The following KCNIP1 variants were observed in gnomAD, a reference collection of about 807,000 sequenced individuals.
The protein encoded by KCNIP1 is A-type potassium channel modulatory protein KCNIP1.
Under a neutral mutation model 33.0 loss-of-function variants are expected in KCNIP1, and 18 were observed. The ratio of observed to expected loss-of-function variants is 0.55; its 90% CI spans 0.38 to 0.81. The LOEUF is 0.81. Ranked by LOEUF, KCNIP1 falls within the 30% of genes least tolerant of loss-of-function variation. The pLI is 0.00. For synonymous variants in KCNIP1, 93 were observed against 98.3 expected (o/e 0.95, Z 0.32); for missense variants, 238 against 271.6 (o/e 0.88, Z 0.87).
At chr5:170,573,176 C>A (rs1375408135) in intron 1 of KCNIP1, among the ~76,000 whole-genome samples, 1 of 152,200 alleles carries the variant, frequency 6.6e-6, no homozygotes, top group Non-Finnish European at 1.5e-5. Context: ...TTTGCAGAAA[C>A]TCGAGTTACT....
chr5:170,443,606 CTTG>C (rs1581197812), intron 1 of KCNIP1, among the ~76,000 whole-genome samples: 1 of 152,326 alleles, frequency 6.6e-6, no homozygotes, highest in South Asian at 2.1e-4. Flanking sequence ...CATCAGAAAA[CTTG>C]TTGTAATAGA....
At chr5:170,532,326 T>C (rs115061015) in intron 1 of KCNIP1, among the ~76,000 whole-genome samples, 3,372 of 152,306 alleles carry the variant, frequency 0.022, 130 homozygotes, top group African/African-American at 0.077. Flanking sequence ...CTCCCTACTC[T>C]CTGGGGTTGC....
At chr5:170,564,894 T>C (rs962928742) in intron 1 of KCNIP1, among the ~76,000 whole-genome samples, 5 of 152,144 alleles carry the variant, frequency 3.3e-5, no homozygotes, top group African/African-American at 1.2e-4. Flanking sequence ...ATTTGCCATA[T>C]ACAGAAACTG....
intron 1 of KCNIP1, among the ~76,000 whole-genome samples, chr5:170,675,078 A>C (rs1762078485): frequency 6.6e-6 from 1 of 151,712 alleles, no homozygotes; most frequent in Non-Finnish European, 1.5e-5. Context: ...AGGCAGGAGG[A>C]TCGCTTGAGC....
chr5:170,579,295 A>G (rs1757708541), intron 1 of KCNIP1, among the ~76,000 whole-genome samples: 1 of 152,324 alleles, frequency 6.6e-6, no homozygotes, highest in South Asian at 2.1e-4. Flanking sequence ...GGTTTAGAAT[A>G]TAGCATTTAG....
intron 1 of KCNIP1, among the ~76,000 whole-genome samples, chr5:170,473,276 G>A (rs552332587): frequency 9.2e-4 from 140 of 152,256 alleles, no homozygotes; most frequent in African/African-American, 3.1e-3. Flanking sequence ...CTTTGCAGAC[G>A]CTGTGCCAAG....
intron 1 of KCNIP1, among the ~76,000 whole-genome samples, chr5:170,677,055 T>C (rs1413132765): frequency 6.6e-6 from 1 of 152,198 alleles, no homozygotes; most frequent in Non-Finnish European, 1.5e-5. Flanking sequence ...ACGTACTCAA[T>C]ATATGACTTG....
At chr5:170,699,421 C>T (rs994346412) in intron 1 of KCNIP1, among the ~76,000 whole-genome samples, 1 of 152,064 alleles carries the variant, frequency 6.6e-6, no homozygotes, top group African/African-American at 2.4e-5. Context: ...TGCCTCCCAC[C>T]TTCTTGAACT....
At chr5:170,466,749 T>C (rs1756617051) in intron 1 of KCNIP1, among the ~76,000 whole-genome samples, 2 of 152,126 alleles carry the variant, frequency 1.3e-5, no homozygotes, top group South Asian at 4.1e-4. Context: ...TGCGACTTCA[T>C]TTATGAGGAC....
At chr5:170,411,772 A>T (rs1055141681) in intron 1 of KCNIP1, among the ~76,000 whole-genome samples, 1 of 152,196 alleles carries the variant, frequency 6.6e-6, no homozygotes, top group African/African-American at 2.4e-5. Context: ...AGCTGGAGAG[A>T]TGAAACACAG....
intron 1 of KCNIP1, among the ~76,000 whole-genome samples, chr5:170,525,740 G>A (rs140399270): frequency 6.6e-6 from 1 of 152,350 alleles, no homozygotes; most frequent in African/African-American, 2.4e-5. Context: ...TGGAGTGGGA[G>A]TAAGGGTGGG....
intron 1 of KCNIP1, among the ~76,000 whole-genome samples, chr5:170,621,874 A>G (rs1439881585): frequency 6.6e-6 from 1 of 152,142 alleles, no homozygotes; most frequent in Admixed American, 6.5e-5. Context: ...CAGAAATGAG[A>G]GGAGAAGAGA....
chr5:170,657,438 C>T (rs948332225), intron 1 of KCNIP1, among the ~76,000 whole-genome samples: 1 of 152,184 alleles, frequency 6.6e-6, no homozygotes, highest in Non-Finnish European at 1.5e-5. Context: ...CACCCACCAC[C>T]GCCTTGGCTC....
At chr5:170,729,947 A>G (rs1764138751) in intron 5 of KCNIP1, among the ~76,000 whole-genome samples, 1 of 152,122 alleles carries the variant, frequency 6.6e-6, no homozygotes, top group African/African-American at 2.4e-5. Context: ...GTGCCCCAGA[A>G]TGTGATAGCC....
intron 1 of KCNIP1, among the ~76,000 whole-genome samples, chr5:170,698,408 T>A (rs183405731): frequency 1.3e-5 from 2 of 152,318 alleles, no homozygotes; most frequent in Admixed American, 1.3e-4. Context: ...AGACCTGTAT[T>A]TGAGCCCCAC....
chr5:170,468,030 T>C (rs1033366329), intron 1 of KCNIP1, among the ~76,000 whole-genome samples: 1 of 151,998 alleles, frequency 6.6e-6, no homozygotes, highest in Non-Finnish European at 1.5e-5. Context: ...ACACTTGTAA[T>C]GTTTAAGAAT....
intron 1 of KCNIP1, among the ~76,000 whole-genome samples, chr5:170,506,870 C>T (rs376658657): frequency 4.6e-5 from 7 of 152,286 alleles, no homozygotes; most frequent in Admixed American, 2.0e-4. Context: ...TATTTGCCCC[C>T]GAAGCACAGT....
intron 1 of KCNIP1, among the ~76,000 whole-genome samples, chr5:170,402,971 A>G (rs1055048277): frequency 6.6e-6 from 1 of 152,220 alleles, no homozygotes; most frequent in Non-Finnish European, 1.5e-5. Flanking sequence ...AGGGGTGCTG[A>G]ATTAGGTGCC....
At chr5:170,499,029 G>A (rs1380414173), upstream of KCNIP1, among the ~76,000 whole-genome samples, 1 of 152,086 alleles carries the variant, frequency 6.6e-6, no homozygotes, top group Non-Finnish European at 1.5e-5. Context: ...CGGTGGAGGT[G>A]GGGTATGCAA....
Sources: allele counts gnomAD v4.1 joint callset (sites outside exome capture counted in the v4.1 genomes callset), GRCh38; gene constraint gnomAD v4.1.1; transcripts MANE v1.5; gene names NCBI Gene and HGNC (gene_info 2026-07-23, HGNC 2026-07-21).